CDC16: variants seen among roughly 807,000 people sequenced by gnomAD.
CDC16 encodes cell division cycle protein 16 homolog.
A neutral mutation model predicts 87.0 loss-of-function variants in CDC16; 34 were observed. The observed-to-expected ratio is 0.39, with a 90% CI of 0.30 to 0.52. The LOEUF (loss-of-function observed/expected upper bound fraction) is 0.52. Ranked by LOEUF, CDC16 falls within the 20% of genes least tolerant of loss-of-function variation. The probability of loss-of-function intolerance (pLI) is 0.74; values close to 1 mark genes in which losing one functional copy is unlikely to be tolerated. For synonymous variants in CDC16, 263 were observed against 260.6 expected (o/e 1.01, Z -0.09); for missense variants, 653 against 751.9 (o/e 0.87, Z 1.54).
chr13:114,253,046 A>T (rs1197265627), intron 12 of CDC16, among the ~76,000 whole-genome samples: 1 of 152,200 alleles, frequency 6.6e-6, no homozygotes, highest in African/African-American at 2.4e-5. Flanking sequence ...CTGAGGCAGG[A>T]TGGTCACTGT....
At chr13:114,247,705 CTG>C (rs1207326702) in intron 11 of CDC16, among the ~76,000 whole-genome samples, 1 of 152,000 alleles carries the variant, frequency 6.6e-6, no homozygotes, top group Admixed American at 6.6e-5. Flanking sequence ...TGGTGAAACT[CTG>C]TCTACTAAAA....
At chr13:114,258,142 A>C (rs1171770980) in intron 13 of CDC16, among the ~76,000 whole-genome samples, 1 of 152,238 alleles carries the variant, frequency 6.6e-6, no homozygotes, top group Non-Finnish European at 1.5e-5. Context: ...GTTCTAAAAA[A>C]TGGGTTATCT....
At chr13:114,253,162 G>C (rs1241294278) in intron 12 of CDC16, among the ~76,000 whole-genome samples, 1 of 152,144 alleles carries the variant, frequency 6.6e-6, no homozygotes, top group African/African-American at 2.4e-5. Context: ...TTATCTGTCA[G>C]AGCAGCTCTG....
In CDC16 at chr13:114,261,915, T is replaced by G. The variant is rs1180576043; in HGVS notation, c.1343T>G (p.Leu448Trp). 2.5e-6 allele frequency: 4 copies of G among 1,605,312 alleles called. No individual in the cohort carries two copies. ...ACAGTTGACAAATGGGAACCTTTGT[T>G]GAACAACTTGGGGCATGTCTGCAGA... ...EVTVDKWEPL[L>W]NNLGHVCRKL... Residue 448 changes from leucine (L) to tryptophan (W), a missense_variant, in exon 15 of 18, where the codon TTG (leucine) becomes TGG (tryptophan). Transcript: ENST00000356221.
intron 1 of CDC16, 104 bp from the exon 2 acceptor site, chr13:114,236,541 A>T: frequency 1.1e-6 from 1 of 929,484 alleles, no homozygotes; most frequent in Non-Finnish European, 1.4e-6. Flanking sequence ...TATTACATAG[A>T]ATTATATTAA....
intron 6 of CDC16, 189 bp downstream of exon 6, chr13:114,242,469 G>A (rs948148905): frequency 1.1e-5 from 6 of 551,884 alleles, no homozygotes; most frequent in African/African-American, 3.8e-5. Context: ...TGTGCTGTCC[G>A]AATCTAGGGA....
chr13:114,257,274 G>A (rs2082556726), intron 13 of CDC16, 44 bp downstream of exon 13: 1 of 1,194,770 alleles, frequency 8.4e-7, no homozygotes. Flanking sequence ...ACTAGTGATT[G>A]TAAATACAGT....
chr13:114,236,323 T>C (rs934580297), intron 1 of CDC16, among the ~76,000 whole-genome samples: 2 of 152,252 alleles, frequency 1.3e-5, no homozygotes, highest in African/African-American at 4.8e-5. Context: ...CATGAATTGT[T>C]AATGACTAGC....
intron 17 of CDC16, among the ~76,000 whole-genome samples, chr13:114,271,359 CT>C (rs1307735776): frequency 1.3e-5 from 2 of 152,166 alleles, no homozygotes; most frequent in African/African-American, 4.8e-5. Flanking sequence ...CCTAATACAT[CT>C]GTTCAGATCT....
chr13:114,238,977 A>AT lies in CDC16; in HGVS notation c.202-10dup. 1.2e-6 allele frequency: 2 copies of AT among 1,607,802 alleles called. No homozygotes were observed. The highest frequency in any genetic ancestry group is 1.7e-6 in the Non-Finnish European group (2 of 1,175,878). The stretch of plus-strand genomic sequence containing the variant: ...TTTTGACCACTACTTAAACAAATTA[A>AT]TTTCTTTCCTAGTTGTATGAAGCAT... On this transcript the variant is annotated splice_polypyrimidine_tract_variant and intron_variant, in intron 3 of 17. Coordinates refer to ENST00000356221, the MANE Select transcript of CDC16 (RefSeq NM_001078645.3).
Position 114,270,450 on chromosome 13 carries a change from T to G in CDC16, c.1604-1734T>G, listed in dbSNP as rs1160229970. Among the ~76,000 whole-genome samples, 5 of 152,166 alleles carry G rather than the reference T, an allele frequency of 3.3e-5. No individual in the cohort carries two copies. The East Asian group carries it at 9.6e-4, about 29-fold the overall frequency. ...TGAGGATTACGGTTCACCCTGAGATTTGGTGGGACACAGATCCAAACCATG... is the reference window on the plus strand; with the variant it reads ...TGAGGATTACGGTTCACCCTGAGATGTGGTGGGACACAGATCCAAACCATG... On this transcript the variant is annotated intron_variant, in intron 17 of 17. Transcript: ENST00000356221.
intron 17 of CDC16, among the ~76,000 whole-genome samples, chr13:114,269,028 C>G (rs1419038451): frequency 1.3e-5 from 2 of 152,010 alleles, no homozygotes. Flanking sequence ...CTATTGCTGC[C>G]TAACCACTCC....
rs972295360 is a variant in CDC16, at chr13:114,236,429, A to G, written c.49-216A>G. ...ATTACCTTCATAAGTTGCATATACA[A>G]AGATATTACAGGAATGTTTGTATTG... On this transcript the variant is annotated intron_variant, in intron 1 of 17. Transcript: ENST00000356221. 2.6e-5 allele frequency among the ~76,000 whole-genome samples: 4 copies of G among 152,216 alleles called. No homozygotes were observed. The East Asian group carries it at 7.7e-4, about 29-fold the overall frequency.
rs1388542852 is a variant in CDC16 at position 114,263,358 on chromosome 13, T to C, written c.1512+344T>C. ...TGACTGTCCCCTTAGATCACATTAG[T>C]AGATGAACAAAACAGTCTCTGCAGT... On this transcript the variant is annotated intron_variant, in intron 16 of 17. Transcript: ENST00000356221. Among the ~76,000 whole-genome samples, 4 of 152,306 alleles carry C rather than the reference T, an allele frequency of 2.6e-5. No individual in the cohort carries two copies. In the East Asian group the frequency reaches 7.7e-4, roughly 29 times the overall value.
At position 114,257,242 on chromosome 13, in the gene CDC16, A is replaced by C; in HGVS notation, c.1250+12A>C. On this transcript the variant is annotated intron_variant, in intron 13 of 17. Coordinates refer to ENST00000356221, the MANE Select transcript of CDC16 (RefSeq NM_001078645.3). ...TTTCAGAATGGAGAGTAAGTACTGGAAGACCAGAAACCCTTCTGTTAACTA... is the reference window on the plus strand; with the variant it reads ...TTTCAGAATGGAGAGTAAGTACTGGCAGACCAGAAACCCTTCTGTTAACTA... The C allele has an allele frequency of 6.3e-7, 1 of 1,596,038 alleles. No homozygotes were observed. The highest frequency in any genetic ancestry group is 1.1e-5 in the South Asian group (1 of 89,322).
intron 14 of CDC16, 135 bp from the exon 15 acceptor site, chr13:114,261,752 C>A (rs17338242): frequency 0.038 from 21,520 of 562,092 alleles, 519 homozygotes; most frequent in Non-Finnish European, 0.049. Flanking sequence ...ACAGCAGTTA[C>A]CCTGGCCTTG....
intron 17 of CDC16, among the ~76,000 whole-genome samples, chr13:114,266,013 C>G (rs185874267): frequency 1.7e-4 from 26 of 152,298 alleles, no homozygotes; most frequent in Non-Finnish European, 2.8e-4. Context: ...CTGGTCTTCT[C>G]CATGTTCAGG....
chr13:114,235,491 G>A (rs577043534), intron 1 of CDC16, among the ~76,000 whole-genome samples: 1 of 152,356 alleles, frequency 6.6e-6, no homozygotes, highest in African/African-American at 2.4e-5. Flanking sequence ...AAACATTTTT[G>A]AGAGGTTTAG....
At chr13:114,256,772 G>C (rs2082527555) in intron 12 of CDC16, among the ~76,000 whole-genome samples, 1 of 152,174 alleles carries the variant, frequency 6.6e-6, no homozygotes, top group African/African-American at 2.4e-5. Flanking sequence ...CATGACATTA[G>C]CATCAAGGAG....
Sources: gnomAD v4.1 joint callset for allele counts (sites outside exome capture counted in the v4.1 genomes callset) on GRCh38, gnomAD v4.1.1 for gene constraint, MANE v1.5 for transcripts, NCBI Gene and HGNC (gene_info 2026-07-23, HGNC 2026-07-21) for gene names.